The following ERCC1 variants were observed in gnomAD, a reference collection of about 807,000 sequenced individuals.
ERCC1 encodes the protein DNA excision repair protein ERCC-1.
Under a neutral mutation model 37.6 loss-of-function variants are expected in ERCC1, and 36 were observed. That is an observed-to-expected ratio of 0.96 (90% CI 0.73 to 1.26). ERCC1 has a LOEUF of 1.26. Among genes scored for constraint, ERCC1 ranks in the 50% most tolerant of loss-of-function variants. ERCC1 has a pLI of 0.00. For synonymous variants in ERCC1, 156 were observed against 162.1 expected (o/e 0.96, Z 0.28); for missense variants, 349 against 376.5 (o/e 0.93, Z 0.60).
rs367572828 is a variant in ERCC1, at chr19:45,409,459, C to T, written c.*216G>A. The T allele has an allele frequency of 6.3e-5, 102 of 1,612,590 alleles. No individual in the cohort carries two copies. The highest frequency in any genetic ancestry group is 8.2e-5 in the Non-Finnish European group (97 of 1,179,842). On this transcript the variant is annotated 3_prime_UTR_variant, in exon 10 of 10. Coordinates refer to ENST00000300853, the MANE Select transcript of ERCC1 (RefSeq NM_001983.4). ...AGTCTGGGGAGGAGGCTCCCACAGGCCGGGACAAGAAGCGGAAGCAGCAGC... is the reference window on the plus strand; with the variant it reads ...AGTCTGGGGAGGAGGCTCCCACAGGTCGGGACAAGAAGCGGAAGCAGCAGC...
chr19:45,450,347 ACCCAGCCTCCAATC>A (rs1005776096), intron 1 of ERCC1, among the ~76,000 whole-genome samples: 3 of 152,172 alleles, frequency 2.0e-5, no homozygotes, highest in Admixed American at 2.0e-4. Context: ...AAGAAGGCTA[ACCCAGCCTCCAATC>A]CCCTAAACCT....
chr19:45,423,116 A>C (rs973727450), intron 2 of ERCC1, among the ~76,000 whole-genome samples, 154 bp downstream of exon 2: 23 of 152,100 alleles, frequency 1.5e-4, no homozygotes, highest in African/African-American at 5.6e-4. Flanking sequence ...ACAGATGGGG[A>C]AACTGGGACC....
chr19:45,448,890 T>A (rs1226290311), intron 1 of ERCC1, among the ~76,000 whole-genome samples: 1 of 151,946 alleles, frequency 6.6e-6, no homozygotes, highest in East Asian at 1.9e-4. Context: ...GCCAGTGCCA[T>A]GGTTTAGCAA....
At chr19:45,436,022 TC>T (rs1230168526) in intron 1 of ERCC1, among the ~76,000 whole-genome samples, 1 of 152,118 alleles carries the variant, frequency 6.6e-6, no homozygotes, top group African/African-American at 2.4e-5. Context: ...CACCTCATCC[TC>T]CCAAAGTGCT....
chr19:45,407,881 T>C lies in ERCC1; in HGVS notation c.*1794A>G, dbSNP rs1044995785. 28 of 369,250 alleles carry C rather than the reference T, an allele frequency of 7.6e-5. No homozygotes were observed. The highest frequency in any genetic ancestry group is 4.3e-4 in the African/African-American group (21 of 49,120). The allele number at this position is 369,250 out of a possible 1,614,324, so 22.9% of individuals were successfully genotyped here. On this transcript the variant is annotated 3_prime_UTR_variant, in exon 10 of 10. Coordinates refer to ENST00000300853, the MANE Select transcript of ERCC1 (RefSeq NM_001983.4). ...GACCAGCCTGGCCAACATAGTGAAA[T>C]TGTCTCTACTAAAAATACAAAAATT...
chr19:45,412,902 GCTA>G (rs1054411110), intron 9 of ERCC1, among the ~76,000 whole-genome samples: 7 of 151,820 alleles, frequency 4.6e-5, no homozygotes, highest in East Asian at 1.9e-4. Context: ...ACCATACCTG[GCTA>G]CTTTTTTGTA....
In ERCC1 at chr19:45,420,159, C is replaced by T. The variant is rs1464248180; in HGVS notation, c.425+165G>A. Among the ~76,000 whole-genome samples the T allele has an allele frequency of 6.6e-6, 1 of 152,136 alleles. No homozygotes were observed. The highest frequency in any genetic ancestry group is 1.9e-4 in the East Asian group (1 of 5,188). ...CCAGCTCTTGTTGCACTGGGCACCT[C>T]CAGGCCAAGACCCCCTGCCTCCAAC... On this transcript the variant is annotated intron_variant, in intron 4 of 9. Transcript: ENST00000300853. This position sits in a 1 kb window ranked among gnomAD's most constrained non-coding sequence, Gnocchi z 4.8.
chr19:45,426,141 G>A (rs1974684523), upstream of ERCC1, among the ~76,000 whole-genome samples: 1 of 151,968 alleles, frequency 6.6e-6, no homozygotes, highest in Non-Finnish European at 1.5e-5. Context: ...AGCACTTTGG[G>A]AGGCCGAGAC....
intron 6 of ERCC1, chr19:45,415,888 C>A (rs1974043168): frequency 4.6e-6 from 2 of 431,178 alleles, no homozygotes; most frequent in Non-Finnish European, 9.5e-6. Context: ...GTAATCCCAG[C>A]ACTTTGGGAG....
intron 1 of ERCC1, chr19:45,429,248 G>A (rs1410365043): frequency 1.3e-5 from 2 of 152,210 alleles, no homozygotes; most frequent in Non-Finnish European, 1.5e-5. Context: ...ATCACCTGAG[G>A]TCAGGAGATT....
chr19:45,407,525 T>C lies in ERCC1; in HGVS notation c.*2150A>G, dbSNP rs1336915229. 5.3e-6 allele frequency: 2 copies of C among 378,852 alleles called. No individual in the cohort carries two copies. The highest frequency in any genetic ancestry group is 9.4e-6 in the Non-Finnish European group (2 of 213,250). The allele number at this position is 378,852 out of a possible 1,614,324, so 23.5% of individuals were successfully genotyped here. On this transcript the variant is annotated 3_prime_UTR_variant, in exon 10 of 10. Transcript: ENST00000300853. The stretch of plus-strand genomic sequence containing the variant: ...GGGCTATTGGTGTTATCCACGACCA[T>C]TAATCCTGCAACCTAAGCTTGCTCA...
In ERCC1 at chr19:45,413,979, A is replaced by G. The variant is rs1352772109; in HGVS notation, c.758T>C (p.Leu253Pro). The G allele has an allele frequency of 2.5e-6, 4 of 1,613,740 alleles. No individual in the cohort carries two copies. The highest frequency in any genetic ancestry group is 1.7e-4 in the Middle Eastern group (1 of 6,060). ...ATTCCTTACTCCAAATGTGGTCAGGAGGGTCTGACTGTCCGTTTTGTTGAC... is the reference window on the plus strand; with the variant it reads ...ATTCCTTACTCCAAATGTGGTCAGGGGGGTCTGACTGTCCGTTTTGTTGAC... ...KSVNKTDSQT[L>P]LTTFGSLEQL... The change falls in exon 8 of 10, where the codon CTC becomes CCC. Residue 253 changes from leucine to proline, a missense_variant. Physicochemically the swap from Leu to Pro is moderately conservative, Grantham distance 98. Coordinates refer to ENST00000300853, the MANE Select transcript of ERCC1 (RefSeq NM_001983.4).
chr19:45,407,993 G>A lies in ERCC1; in HGVS notation c.*1682C>T. On this transcript the variant is annotated 3_prime_UTR_variant, in exon 10 of 10. Transcript: ENST00000300853. ...CGCTTGAACCCAGGAGGTGGACATT[G>A]CAGTGAGCCGAGATCATGCCACTGC... The A allele has an allele frequency of 9.0e-7, 1 of 1,113,384 alleles. No homozygotes were observed. The highest frequency in any genetic ancestry group is 1.2e-6 in the Non-Finnish European group (1 of 808,484). 69.0% of individuals were successfully genotyped at this position (1,113,384 alleles called of 1,614,324 possible).
chr19:45,434,098 T>G (rs915771079), intron 1 of ERCC1, among the ~76,000 whole-genome samples: 6 of 146,272 alleles, frequency 4.1e-5, no homozygotes, highest in Non-Finnish European at 8.9e-5. Context: ...GAGCCGAGAT[T>G]GTGCCACTGC....
chr19:45,420,506 C>A lies in ERCC1; in HGVS notation c.322-79G>T. On this transcript the variant is annotated intron_variant, in intron 3 of 9. Coordinates refer to ENST00000300853, the MANE Select transcript of ERCC1 (RefSeq NM_001983.4). This position sits in a 1 kb window ranked among gnomAD's most constrained non-coding sequence, Gnocchi z 4.8. ...CAGGGCCCTCCTCCACCTCTTCTTG[C>A]ACCTCCTCCCTCCTCCCACCTCTTC... 1.2e-6 allele frequency: 1 copy of A among 862,484 alleles called. No individual in the cohort carries two copies. The highest frequency in any genetic ancestry group is 1.9e-6 in the Non-Finnish European group (1 of 518,444). The allele number at this position is 862,484 out of a possible 1,614,324, so 53.4% of individuals were successfully genotyped here. A position where few individuals can be genotyped will look rare whatever the true frequency, so the allele number is the denominator to read the frequency against.
chr19:45,423,291 C>T lies in ERCC1; in HGVS notation c.84G>A (p.Glu28=), dbSNP rs1260880888. 6.2e-7 allele frequency: 1 copy of T among 1,613,744 alleles called. No homozygotes were observed. The highest frequency in any genetic ancestry group is 1.7e-5 in the Admixed American group (1 of 59,950). Residue 28 remains glutamate, a synonymous_variant, in exon 2 of 10, where the codon GAG becomes GAA. Transcript: ENST00000300853. ...ARKKFVIPLD[E]DEVPPGVAKP... Reference sequence around the variant, plus strand: ...CTACCACTCCAGGAGGGACCTCATCCTCGTCGAGGGGTATCACAAATTTCT... The same window carrying T: ...CTACCACTCCAGGAGGGACCTCATCTTCGTCGAGGGGTATCACAAATTTCT...
intron 2 of ERCC1, among the ~76,000 whole-genome samples, chr19:45,421,633 A>ATT (rs148317782): frequency 4.3e-4 from 56 of 131,314 alleles, no homozygotes; most frequent in African/African-American, 1.3e-3. Flanking sequence ...CGCCCAGCTA[A>ATT]TTTTTTTTTT....
chr19:45,432,474 A>G (rs189812845), intron 1 of ERCC1, among the ~76,000 whole-genome samples: 1 of 152,212 alleles, frequency 6.6e-6, no homozygotes, highest in Admixed American at 6.6e-5. Flanking sequence ...AAAATTTCTC[A>G]GTTTTGATTT....
chr19:45,436,218 C>T (rs763783068), intron 1 of ERCC1, among the ~76,000 whole-genome samples: 1 of 152,114 alleles, frequency 6.6e-6, no homozygotes, highest in South Asian at 2.1e-4. Context: ...AAAAGATGTT[C>T]TCTAAAAGCC....
Sources: allele counts gnomAD v4.1 joint callset (sites outside exome capture counted in the v4.1 genomes callset), GRCh38; gene constraint gnomAD v4.1.1; non-coding constraint Gnocchi (gnomAD v3.1); transcripts MANE v1.5; gene names NCBI Gene and HGNC (gene_info 2026-07-23, HGNC 2026-07-21).